The following CDH9 variants were observed in gnomAD, a reference collection of about 807,000 sequenced individuals.
The protein encoded by CDH9 is cadherin-9.
Under a neutral mutation model 70.9 loss-of-function variants are expected in CDH9, and 28 were observed. The observed-to-expected ratio is 0.40, with a 90% CI of 0.29 to 0.54. CDH9 has a LOEUF of 0.54. Ranked by LOEUF, CDH9 falls within the 20% of genes least tolerant of loss-of-function variation. The pLI is 0.59. For missense variants in CDH9, 874 were observed against 984.4 expected, an observed-to-expected ratio of 0.89 and a Z score of 1.50; for synonymous variants, 409 against 343.1, an observed-to-expected ratio of 1.19 and a Z score of -2.12.
At chr5:26,916,058 C>T (rs982431054) in intron 2 of CDH9, 134 bp from the exon 3 acceptor site, 6 of 588,032 alleles carry the variant, frequency 1.0e-5, no homozygotes, top group Admixed American at 9.6e-5. Context: ...TTGACTTTTG[C>T]TGTGAGAGGG....
intron 1 of CDH9, among the ~76,000 whole-genome samples, chr5:26,993,739 CAA>C (rs1742620488): frequency 7.9e-6 from 1 of 127,254 alleles, no homozygotes; most frequent in African/African-American, 3.0e-5. Flanking sequence ...TTATTCAAGA[CAA>C]GAGAAGAATG....
chr5:26,902,554 A>G lies in CDH9; in HGVS notation c.1175T>C (p.Val392Ala), dbSNP rs1223451760. 3 of 1,592,344 alleles carry G rather than the reference A, an allele frequency of 1.9e-6. No individual in the cohort carries two copies. In the African/African-American group the frequency reaches 4.0e-5, roughly 21 times the overall value. The change falls in exon 7 of 12, where the codon GTA becomes GCA. Residue 392 changes from valine (V) to alanine (A), a missense_variant. Coordinates refer to ENST00000231021, the MANE Select transcript of CDH9 (RefSeq NM_016279.4). Reference protein sequence around the residue: ...VFTKVSYLIEVDEDVKEGSII... With the variant: ...VFTKVSYLIEADEDVKEGSII... ...ACTGCCCTCCTTTACATCTTCATCT[A>G]CTTCTATCAAGTAAGAGACTTTAGT...
chr5:27,014,177 T>C (rs1306786574), intron 1 of CDH9, among the ~76,000 whole-genome samples: 3 of 151,944 alleles, frequency 2.0e-5, no homozygotes, highest in African/African-American at 7.2e-5. Flanking sequence ...TCCAGCCTCC[T>C]AAATAGAAAT....
At chr5:26,926,666 G>A (rs1741345619) in intron 2 of CDH9, among the ~76,000 whole-genome samples, 1 of 152,038 alleles carries the variant, frequency 6.6e-6, no homozygotes, top group Non-Finnish European at 1.5e-5. Context: ...GACAAAGCTG[G>A]AGGCATCATG....
At chr5:26,907,964 G>A (rs781185552) in intron 3 of CDH9, among the ~76,000 whole-genome samples, 1 of 152,086 alleles carries the variant, frequency 6.6e-6, no homozygotes, top group Non-Finnish European at 1.5e-5. Flanking sequence ...AATGTTGCGT[G>A]TATATGTGTA....
intron 2 of CDH9, among the ~76,000 whole-genome samples, chr5:26,941,570 T>G (rs2112036070): frequency 6.6e-6 from 1 of 152,302 alleles, no homozygotes; most frequent in South Asian, 2.1e-4. Context: ...ACTCTAAGGT[T>G]TTCTGGGAGT....
At chr5:27,031,280 T>C (rs1444164575) in intron 1 of CDH9, among the ~76,000 whole-genome samples, 1 of 151,882 alleles carries the variant, frequency 6.6e-6, no homozygotes, top group Non-Finnish European at 1.5e-5. Flanking sequence ...TCTAAAATGA[T>C]AAAATACTTA....
At chr5:27,011,145 G>A (rs1042940191) in intron 1 of CDH9, among the ~76,000 whole-genome samples, 1 of 152,014 alleles carries the variant, frequency 6.6e-6, no homozygotes, top group African/African-American at 2.4e-5. Flanking sequence ...TCTAAGTGAG[G>A]GAAAGCCAGA....
At position 27,038,178 on chromosome 5, in the gene CDH9, C is replaced by T. The variant is rs570667395; in HGVS notation, c.-50+285G>A. 1.9e-3 allele frequency among the ~76,000 whole-genome samples: 287 copies of T among 151,956 alleles called. 2 individuals are homozygous for T. The highest frequency in any genetic ancestry group is 6.6e-3 in the African/African-American group (274 of 41,500). On this transcript the variant is annotated intron_variant, in intron 1 of 11. Coordinates refer to ENST00000231021, the MANE Select transcript of CDH9 (RefSeq NM_016279.4). ...AATTTTAAGTTTAGTTTTATTTTTA[C>T]GACAATATTCCATATGCAAATATGA...
At chr5:26,981,587 T>G (rs1178808724) in intron 2 of CDH9, among the ~76,000 whole-genome samples, 2 of 151,968 alleles carry the variant, frequency 1.3e-5, no homozygotes, top group Non-Finnish European at 2.9e-5. Flanking sequence ...CAGAGGCAGG[T>G]GGATCATGTT....
chr5:26,906,752 C>T lies in CDH9; in HGVS notation c.610G>A (p.Gly204Arg), dbSNP rs747415626. Residue 204 changes from glycine to arginine, a missense_variant, in exon 4 of 12, where the codon GGA becomes AGA. Transcript: ENST00000231021. ...GGGTCCACTGAAAAATATGGCTGTC[C>T]TTGCAATATGCTATAGACCACTTTG... Reference protein sequence around the residue: ...SAKVVYSILQGQPYFSVDPES... With the variant: ...SAKVVYSILQRQPYFSVDPES... The T allele has an allele frequency of 6.2e-7, 1 of 1,613,150 alleles. No individual in the cohort carries two copies.
intron 3 of CDH9, among the ~76,000 whole-genome samples, chr5:26,915,280 G>C (rs1365065615): frequency 2.0e-5 from 3 of 151,972 alleles, no homozygotes; most frequent in African/African-American, 7.2e-5. Flanking sequence ...TCAAAATAAT[G>C]CAAGCAAAAT....
rs1191947160 is a variant in CDH9 at position 26,881,397 on chromosome 5, A to C, written c.2109T>G (p.Thr703=). The C allele has an allele frequency of 6.2e-7, 1 of 1,613,736 alleles. No homozygotes were observed. The highest frequency in any genetic ancestry group is 1.1e-5 in the South Asian group (1 of 91,082). The part of the protein sequence containing the change: ...MPETIFQIRR[T]VPLWENIDVQ... ...CATCAATATTTTCCCACAGAGGCAC[A>C]GTCCTCCTTATCTGAAAAATAGTTT... Residue 703 remains threonine (T), a synonymous_variant, in exon 12 of 12, where the codon ACT becomes ACG. Coordinates refer to ENST00000231021, the MANE Select transcript of CDH9 (RefSeq NM_016279.4).
intron 1 of CDH9, among the ~76,000 whole-genome samples, chr5:27,000,013 T>C (rs1444115203): frequency 6.6e-6 from 1 of 152,116 alleles, no homozygotes; most frequent in Non-Finnish European, 1.5e-5. Context: ...AAAAGTATGA[T>C]TCATTAAAAA....
chr5:26,951,120 T>C (rs1041799226), intron 2 of CDH9, among the ~76,000 whole-genome samples: 1 of 151,708 alleles, frequency 6.6e-6, no homozygotes, highest in East Asian at 2.0e-4. Context: ...GGTGAAACCC[T>C]GTCTCTACTA....
intron 1 of CDH9, among the ~76,000 whole-genome samples, chr5:27,036,490 A>C (rs575939316): frequency 6.6e-6 from 1 of 152,098 alleles, no homozygotes; most frequent in East Asian, 1.9e-4. Flanking sequence ...ACAGTAGCAT[A>C]GTTATGTAAA....
At chr5:26,981,450 A>T (rs753020628) in intron 2 of CDH9, among the ~76,000 whole-genome samples, 3 of 152,116 alleles carry the variant, frequency 2.0e-5, no homozygotes, top group Non-Finnish European at 2.9e-5. Context: ...ATTTTCACTA[A>T]AGGTGCAACA....
At chr5:26,977,949 C>T (rs540186732) in intron 2 of CDH9, among the ~76,000 whole-genome samples, 42 of 152,152 alleles carry the variant, frequency 2.8e-4, no homozygotes, top group Non-Finnish European at 5.0e-4. Context: ...AGAAGGGTTA[C>T]ACTACAGGAC....
intron 11 of CDH9, among the ~76,000 whole-genome samples, chr5:26,884,473 A>G (rs150625906): frequency 1.3e-5 from 2 of 152,310 alleles, no homozygotes; most frequent in African/African-American, 4.8e-5. Flanking sequence ...CTCCATAGGA[A>G]TATAAAAATA....
Sources: gnomAD v4.1 joint callset for allele counts (sites outside exome capture counted in the v4.1 genomes callset) on GRCh38, gnomAD v4.1.1 for gene constraint, MANE v1.5 for transcripts, NCBI Gene and HGNC (gene_info 2026-07-23, HGNC 2026-07-21) for gene names.